The following TBX5 variants were observed in gnomAD, a reference collection of about 807,000 sequenced individuals.
The protein encoded by TBX5 is T-box transcription factor 5.
A neutral mutation model predicts 51.1 loss-of-function variants in TBX5; 8 were observed. That is an observed-to-expected ratio of 0.16 (90% CI 0.09 to 0.28). The LOEUF is 0.28. Ranked by LOEUF, TBX5 falls within the 10% of genes least tolerant of loss-of-function variation. The probability of loss-of-function intolerance (pLI) is 1.00; values close to 1 mark genes in which losing one functional copy is unlikely to be tolerated. For missense variants in TBX5, 589 were observed against 671.7 expected (o/e 0.88, Z 1.36); for synonymous variants, 302 against 266.4 (o/e 1.13, Z -1.30).
intron 6 of TBX5, among the ~76,000 whole-genome samples, chr12:114,390,862 T>G (rs574178219): frequency 6.6e-6 from 1 of 152,312 alleles, no homozygotes; most frequent in Non-Finnish European, 1.5e-5. Context: ...CAAAAACGTG[T>G]TTCACAGAAT....
intron 7 of TBX5, among the ~76,000 whole-genome samples, chr12:114,367,393 A>T (rs1009940121): frequency 2.6e-5 from 4 of 152,262 alleles, no homozygotes; most frequent in Admixed American, 2.0e-4. Context: ...TCACACAGGC[A>T]AAGTAAGCAT....
At chr12:114,403,011 A>C (rs1015718174) in intron 2 of TBX5, among the ~76,000 whole-genome samples, 1 of 152,222 alleles carries the variant, frequency 6.6e-6, no homozygotes, top group African/African-American at 2.4e-5. Flanking sequence ...ACCCCATGTG[A>C]CACCTTATTT....
rs1259750420 is a variant in TBX5, at chr12:114,398,437, C to CGAAAGTGGGG, written c.510+126_510+135dup. ...TCAAGAAGGTAGAGGCAGAAAGCGACGAAAGTGGGGGAAAATGGAGGAAAG... is the reference window on the plus strand; with the variant it reads ...TCAAGAAGGTAGAGGCAGAAAGCGACGAAAGTGGGGGAAAGTGGGGGAAAATGGAGGAAAG... On this transcript the variant is annotated intron_variant, in intron 5 of 8. Transcript: ENST00000405440. 3 of 1,300,678 alleles carry CGAAAGTGGGG rather than the reference C, an allele frequency of 2.3e-6. No homozygotes were observed. The African/African-American group carries it at 4.4e-5, about 19-fold the overall frequency. 80.6% of individuals were successfully genotyped at this position (1,300,678 alleles called of 1,614,324 possible).
At chr12:114,393,333 AC>A (rs1044575114) in intron 6 of TBX5, among the ~76,000 whole-genome samples, 3 of 150,918 alleles carry the variant, frequency 2.0e-5, no homozygotes, top group African/African-American at 7.3e-5. Context: ...TCCCATATGG[AC>A]CCCCCTCCCA....
At chr12:114,392,301 G>A (rs953907999) in intron 6 of TBX5, among the ~76,000 whole-genome samples, 4 of 152,098 alleles carry the variant, frequency 2.6e-5, no homozygotes, top group Non-Finnish European at 5.9e-5. Flanking sequence ...TGTAAAGGGT[G>A]TTGGGCATAT....
chr12:114,371,500 C>T (rs949550949), intron 7 of TBX5, among the ~76,000 whole-genome samples: 3 of 152,056 alleles, frequency 2.0e-5, no homozygotes, highest in Non-Finnish European at 4.4e-5. Context: ...AATGAACACC[C>T]GGGAGAACGT....
In TBX5 at chr12:114,366,238, G is replaced by A. The variant is rs1345397530; in HGVS notation, c.909C>T (p.Asp303=). ...CENGVSGPSQ[D]LLPPPNPYPL... is the part of the protein sequence containing the mutation. The stretch of plus-strand genomic sequence containing the variant: ...GGTATGGGTTGGGTGGAGGCAGGAG[G>A]TCCTGGGAGGGGCCGGAAACACCAT... The change falls in exon 8 of 9, where the codon GAC becomes GAT. Residue 303 remains aspartate (D), a synonymous_variant. Transcript: ENST00000405440. 3 of 1,614,072 alleles carry A rather than the reference G, an allele frequency of 1.9e-6. No homozygotes were observed. Among genetic ancestry groups the A allele is most frequent in the Non-Finnish European group, 2.5e-6 (3 of 1,180,002 alleles).
chr12:114,374,742 C>T (rs1488905852), intron 7 of TBX5, among the ~76,000 whole-genome samples: 1 of 152,110 alleles, frequency 6.6e-6, no homozygotes. Context: ...GTACATTTCA[C>T]CCTATATAAA....
At chr12:114,379,125 C>T (rs1414449535) in intron 7 of TBX5, among the ~76,000 whole-genome samples, 3 of 152,156 alleles carry the variant, frequency 2.0e-5, no homozygotes, top group African/African-American at 7.2e-5. Context: ...GACCTGCCTT[C>T]CGTTACCGGT....
intron 2 of TBX5, 120 bp downstream of exon 2, chr12:114,403,632 G>A: frequency 1.4e-6 from 2 of 1,419,092 alleles, no homozygotes; most frequent in South Asian, 2.7e-5. Flanking sequence ...ATAGTCGTTG[G>A]GTTCGTTTTG....
chr12:114,386,538 A>C (rs901797016), intron 6 of TBX5, among the ~76,000 whole-genome samples: 1 of 152,232 alleles, frequency 6.6e-6, no homozygotes, highest in Non-Finnish European at 1.5e-5. Context: ...ACACTGGCTT[A>C]ATATTTTTAT....
upstream of TBX5, chr12:114,407,004 C>A (rs1412097352): frequency 2.4e-5 from 23 of 964,310 alleles, no homozygotes; most frequent in Non-Finnish European, 2.7e-5. Context: ...ACCTCCTGTA[C>A]CCCCATCATA....
intron 8 of TBX5, among the ~76,000 whole-genome samples, chr12:114,359,749 T>C (rs1051577470): frequency 3.3e-5 from 5 of 152,194 alleles, no homozygotes; most frequent in Non-Finnish European, 5.9e-5. Flanking sequence ...TCGCTCGCCA[T>C]GTGACTGGAT....
At chr12:114,357,607 G>A (rs1432274332) in intron 8 of TBX5, among the ~76,000 whole-genome samples, 1 of 152,198 alleles carries the variant, frequency 6.6e-6, no homozygotes, top group Non-Finnish European at 1.5e-5. Flanking sequence ...AACATGAACA[G>A]CTCTTGTTGC....
chr12:114,360,707 ATGAG>A (rs1461716547), intron 8 of TBX5, among the ~76,000 whole-genome samples: 1 of 134,806 alleles, frequency 7.4e-6, no homozygotes, highest in Non-Finnish European at 1.6e-5. Context: ...GGATGGATGA[ATGAG>A]TGAGTGGGTG....
At chr12:114,357,735 A>G (rs1165074095) in intron 8 of TBX5, among the ~76,000 whole-genome samples, 1 of 152,210 alleles carries the variant, frequency 6.6e-6, no homozygotes, top group African/African-American at 2.4e-5. Flanking sequence ...ACCTCAACAC[A>G]GACTCATTAC....
rs971515880 is a variant in TBX5, at chr12:114,406,095, A to G, written c.-506T>C. 26 of 942,888 alleles carry G rather than the reference A, an allele frequency of 2.8e-5. No homozygotes were observed. The African/African-American group carries it at 4.4e-4, about 16-fold the overall frequency. The allele number at this position is 942,888 out of a possible 1,614,324, so 58.4% of individuals were successfully genotyped here. On this transcript the variant is annotated 5_prime_UTR_variant, in exon 1 of 9. Coordinates refer to ENST00000405440, the MANE Select transcript of TBX5 (RefSeq NM_181486.4). ...CTCTCTCTCTCTGAAATACAAGCCA[A>G]CTCAGCTGAGCACAGTGACGTTGGG... is the stretch of plus-strand genomic sequence containing the variant.
chr12:114,356,801 G>C (rs1868944565), intron 8 of TBX5, among the ~76,000 whole-genome samples: 1 of 152,134 alleles, frequency 6.6e-6, no homozygotes, highest in African/African-American at 2.4e-5. Flanking sequence ...AACCCTACCA[G>C]GTGGGTTTTA....
intron 3 of TBX5, among the ~76,000 whole-genome samples, chr12:114,401,139 C>T (rs542394144): frequency 6.6e-6 from 1 of 152,320 alleles, no homozygotes; most frequent in East Asian, 1.9e-4. Flanking sequence ...TCTCCTTCCT[C>T]CTCCCCCAGA....
Sources: gnomAD v4.1 joint callset for allele counts (sites outside exome capture counted in the v4.1 genomes callset) on GRCh38, gnomAD v4.1.1 for gene constraint, MANE v1.5 for transcripts, NCBI Gene and HGNC (gene_info 2026-07-23, HGNC 2026-07-21) for gene names.